Variants in FGD6 observed in about 807,000 individuals in gnomAD.
FGD6 encodes the protein FYVE, RhoGEF and PH domain-containing protein 6.
A neutral mutation model predicts 149.4 loss-of-function variants in FGD6; 90 were observed. That is an observed-to-expected ratio of 0.60 (90% CI 0.51 to 0.72). The LOEUF is 0.72. Ranked by LOEUF, FGD6 falls within the 30% of genes least tolerant of loss-of-function variation. The probability of loss-of-function intolerance (pLI) is 0.00; values close to 1 mark genes in which losing one functional copy is unlikely to be tolerated. For missense variants in FGD6, 1,437 were observed against 1,684.8 expected (o/e 0.85, Z 2.57); for synonymous variants, 527 against 584.0 (o/e 0.90, Z 1.41).
chr12:95,120,808 A>G (rs1879164983), intron 8 of FGD6, among the ~76,000 whole-genome samples: 1 of 152,242 alleles, frequency 6.6e-6, no homozygotes. Context: ...TAACAGTTTC[A>G]GTAAATGCCA....
chr12:95,185,208 C>A (rs878859939), intron 2 of FGD6, among the ~76,000 whole-genome samples: 1 of 152,118 alleles, frequency 6.6e-6, no homozygotes, highest in Non-Finnish European at 1.5e-5. Flanking sequence ...TGAGTCCTTA[C>A]ACCAGTTACA....
At chr12:95,126,513 G>C (rs1234288565) in intron 8 of FGD6, 3 of 487,844 alleles carry the variant, frequency 6.1e-6, no homozygotes, top group Non-Finnish European at 1.1e-5. Context: ...TGGATCACTT[G>C]AGGTCAGGAG....
chr12:95,162,255 G>C (rs894092786), intron 3 of FGD6, among the ~76,000 whole-genome samples: 17 of 151,992 alleles, frequency 1.1e-4, no homozygotes, highest in South Asian at 2.1e-4. Flanking sequence ...AGGTGCGGTG[G>C]CTCACACCTG....
chr12:95,124,798 A>G (rs115206799), intron 8 of FGD6, among the ~76,000 whole-genome samples: 1,890 of 152,306 alleles, frequency 0.012, 37 homozygotes, highest in African/African-American at 0.043. Context: ...GCAAACCACA[A>G]CAGTATCAGT....
At chr12:95,121,319 T>C (rs1053199686) in intron 8 of FGD6, among the ~76,000 whole-genome samples, 9 of 151,362 alleles carry the variant, frequency 5.9e-5, no homozygotes, top group African/African-American at 2.2e-4. Context: ...CAGGCACCTG[T>C]AATCCCAGCT....
At chr12:95,172,859 G>A in intron 2 of FGD6, 115 bp from the exon 3 acceptor site, 3 of 835,152 alleles carry the variant, frequency 3.6e-6, no homozygotes, top group East Asian at 5.8e-5. Context: ...TCTAAGGGAT[G>A]TGGAAGAATG....
At chr12:95,138,246 A>AAATAAATAACTCACTC (rs796444898) in intron 6 of FGD6, among the ~76,000 whole-genome samples, 17 of 143,868 alleles carry the variant, frequency 1.2e-4, no homozygotes, top group South Asian at 8.8e-4. Context: ...ATAAATAAAT[A>AAATAAATAACTCACTC]ACTCACTCAC....
At chr12:95,112,645 T>C (rs968179836) in intron 9 of FGD6, among the ~76,000 whole-genome samples, 1 of 151,534 alleles carries the variant, frequency 6.6e-6, no homozygotes, top group Non-Finnish European at 1.5e-5. Flanking sequence ...TTGAAAGAGG[T>C]TGTTGGGAAT....
chr12:95,108,913 G>C (rs1269089907), intron 9 of FGD6, among the ~76,000 whole-genome samples: 1 of 152,218 alleles, frequency 6.6e-6, no homozygotes, highest in Non-Finnish European at 1.5e-5. Context: ...ATAAGGATGG[G>C]ATTTCACCTG....
intron 8 of FGD6, chr12:95,126,385 A>C: frequency 6.7e-7 from 1 of 1,491,304 alleles, no homozygotes; most frequent in Non-Finnish European, 9.1e-7. Context: ...TCTGGCAAGA[A>C]AGCATATGAG....
chr12:95,184,407 ATCTT>A (rs1881367335), intron 2 of FGD6, among the ~76,000 whole-genome samples: 1 of 152,160 alleles, frequency 6.6e-6, no homozygotes, highest in African/African-American at 2.4e-5. Context: ...CCTATTTGCC[ATCTT>A]TCTTCTTCAG....
At chr12:95,085,045 AG>A (rs1024887210) in intron 19 of FGD6, among the ~76,000 whole-genome samples, 3 of 152,220 alleles carry the variant, frequency 2.0e-5, no homozygotes, top group African/African-American at 7.2e-5. Flanking sequence ...GGTGGAACAC[AG>A]GGTGATCAGG....
chr12:95,188,268 G>A (rs1297089399), intron 2 of FGD6, among the ~76,000 whole-genome samples: 1 of 152,144 alleles, frequency 6.6e-6, no homozygotes, highest in East Asian at 1.9e-4. Flanking sequence ...GCTACTAGCT[G>A]AAGGCACAGA....
intron 2 of FGD6, among the ~76,000 whole-genome samples, chr12:95,177,615 T>A (rs1193665590): frequency 6.6e-6 from 1 of 152,168 alleles, no homozygotes; most frequent in African/African-American, 2.4e-5. Context: ...TTTTTTCAAA[T>A]GCTGTCTCAT....
At chr12:95,199,705 A>G (rs1881821466) in intron 2 of FGD6, among the ~76,000 whole-genome samples, 1 of 150,776 alleles carries the variant, frequency 6.6e-6, no homozygotes, top group Non-Finnish European at 1.5e-5. Context: ...CCCATGTTCA[A>G]GCAATTCTCC....
intron 2 of FGD6, among the ~76,000 whole-genome samples, chr12:95,180,079 C>CAAA (rs148087005): frequency 6.1e-4 from 84 of 138,710 alleles, no homozygotes; most frequent in East Asian, 1.7e-3. Flanking sequence ...ACTCTGCCTC[C>CAAA]AAAAAAAAAA....
chr12:95,215,551 AG>A (rs1565927096), intron 1 of FGD6, among the ~76,000 whole-genome samples: 1 of 152,262 alleles, frequency 6.6e-6, no homozygotes, highest in African/African-American at 2.4e-5. Flanking sequence ...TGAGCAAAAA[AG>A]TAGTTGATGC....
Position 95,095,110 on chromosome 12 carries a change from A to G in FGD6, c.3498-416T>C, listed in dbSNP as rs190061161. On this transcript the variant is annotated intron_variant, in intron 14 of 20. Transcript: ENST00000343958. ...AGTTTCAAATTCCAATTTATAGCATAGAATACTAAATATCTTTAGATTACT... is the reference window on the plus strand; with the variant it reads ...AGTTTCAAATTCCAATTTATAGCATGGAATACTAAATATCTTTAGATTACT... 9.7e-4 allele frequency among the ~76,000 whole-genome samples: 148 copies of G among 152,364 alleles called. 1 individual carries two copies. The highest frequency in any genetic ancestry group is 3.4e-3 in the African/African-American group (142 of 41,588).
rs115335600 is a variant in FGD6, at chr12:95,111,085, C to T, written c.3134-2524G>A. ...ACAACCTCCATCTCCCAGGTTCAAGCGATTCTCATGCCTCAGCTACTGAGT... is the reference window on the plus strand; with the variant it reads ...ACAACCTCCATCTCCCAGGTTCAAGTGATTCTCATGCCTCAGCTACTGAGT... On this transcript the variant is annotated intron_variant, in intron 9 of 20. Coordinates refer to ENST00000343958, the MANE Select transcript of FGD6 (RefSeq NM_018351.4). Among the ~76,000 whole-genome samples the T allele has an allele frequency of 2.9e-3, 436 of 152,174 alleles. 1 individual carries two copies. Among genetic ancestry groups the T allele is most frequent in the African/African-American group, 9.8e-3 (409 of 41,548 alleles).
Sources: gnomAD v4.1 joint callset for allele counts (sites outside exome capture counted in the v4.1 genomes callset) on GRCh38, gnomAD v4.1.1 for gene constraint, MANE v1.5 for transcripts, NCBI Gene and HGNC (gene_info 2026-07-23, HGNC 2026-07-21) for gene names.